GNG4: variants seen among roughly 807,000 people sequenced by gnomAD.
The protein encoded by GNG4 is guanine nucleotide-binding protein G(I)/G(S)/G(O) subunit gamma-4.
In GNG4, 4 loss-of-function variants were observed where a neutral mutation model predicts 5.8. That is an observed-to-expected ratio of 0.69 (90% CI 0.34 to 1.57). The LOEUF is 1.57. Among genes scored for constraint, GNG4 ranks in the 40% most tolerant of loss-of-function variants. The probability of loss-of-function intolerance (pLI) is 0.06; values close to 1 mark genes in which losing one functional copy is unlikely to be tolerated. For missense variants in GNG4, 96 were observed against 95.1 expected (o/e 1.01, Z -0.04); for synonymous variants, 29 against 32.9 (o/e 0.88, Z 0.41).
intron 1 of GNG4, among the ~76,000 whole-genome samples, chr1:235,600,153 C>T (rs1411698062): frequency 8.2e-5 from 10 of 121,310 alleles, no homozygotes; most frequent in African/African-American, 1.3e-4. Flanking sequence ...CTCACTCTGT[C>T]GCCCAGGCTG....
intron 1 of GNG4, among the ~76,000 whole-genome samples, chr1:235,641,279 A>G (rs937736366): frequency 1.3e-5 from 2 of 152,128 alleles, no homozygotes; most frequent in Admixed American, 1.3e-4. Flanking sequence ...AGCCCCAGCT[A>G]CTTAGGAGAC....
At chr1:235,631,042 G>GTGTATGCCAC (rs1688922522) in intron 1 of GNG4, among the ~76,000 whole-genome samples, 1 of 152,030 alleles carries the variant, frequency 6.6e-6, no homozygotes, top group African/African-American at 2.4e-5. Flanking sequence ...GGAATTACAG[G>GTGTATGCCAC]CACGCACCAC....
chr1:235,583,602 G>A, intron 3 of GNG4, 138 bp downstream of exon 3: 1 of 599,588 alleles, frequency 1.7e-6, no homozygotes, highest in Non-Finnish European at 3.1e-6. Context: ...ACACTCATTT[G>A]TAAATGTTAC....
chr1:235,598,970 G>A (rs186035714), intron 1 of GNG4, among the ~76,000 whole-genome samples: 13 of 152,040 alleles, frequency 8.6e-5, no homozygotes, highest in African/African-American at 1.7e-4. Context: ...CAAGTGATCC[G>A]CCTGCCTTGG....
chr1:235,559,521 G>A (rs932942761), intron 3 of GNG4, among the ~76,000 whole-genome samples: 4 of 152,132 alleles, frequency 2.6e-5, no homozygotes, highest in Non-Finnish European at 4.4e-5. Context: ...GGCTTTCAGA[G>A]GATCCCAGTA....
chr1:235,615,872 C>T (rs111732500), intron 1 of GNG4: 9,853 of 275,310 alleles, frequency 0.036, 259 homozygotes, highest in Non-Finnish European at 0.049. Context: ...GGCTCACTCT[C>T]TGTGCTGGTT....
intron 1 of GNG4, among the ~76,000 whole-genome samples, chr1:235,630,836 CA>C (rs1260376269): frequency 6.6e-6 from 1 of 152,078 alleles, no homozygotes; most frequent in Non-Finnish European, 1.5e-5. Context: ...AAACCCAACT[CA>C]ATGTCAACAG....
In GNG4 at chr1:235,644,714, T is replaced by A. The variant is rs531212240; in HGVS notation, c.-123+4948A>T. Among the ~76,000 whole-genome samples the A allele has an allele frequency of 6.6e-6, 1 of 152,228 alleles. No individual in the cohort carries two copies. Among genetic ancestry groups the A allele is most frequent in the African/African-American group, 2.4e-5 (1 of 41,460 alleles). On this transcript the variant is annotated intron_variant, in intron 1 of 3. Transcript: ENST00000391854. This position sits in a 1 kb window ranked among gnomAD's most constrained non-coding sequence, Gnocchi z 5.9. ...CTAAAACCGAATGAGGACTGACTCA[T>A]GCTCGTTTAGTCGGCCACAGGCTAG... is the stretch of plus-strand genomic sequence containing the variant.
intron 2 of GNG4, among the ~76,000 whole-genome samples, chr1:235,591,576 AT>A (rs1342484159): frequency 6.6e-6 from 1 of 152,196 alleles, no homozygotes; most frequent in African/African-American, 2.4e-5. Flanking sequence ...ATGTACTTCC[AT>A]GGGGACTCAG....
rs1279289922 is a variant in GNG4 at position 235,648,503 on chromosome 1, C to G, written c.-123+1159G>C. Among the ~76,000 whole-genome samples, 2 of 152,218 alleles carry G rather than the reference C, an allele frequency of 1.3e-5. No homozygotes were observed. Among genetic ancestry groups the G allele is most frequent in the African/African-American group, 4.8e-5 (2 of 41,454 alleles). ...GGCCAGATCAGATGGCGGCTGGTTC[C>G]CCTCCCCCGCCTCATACAAAAATCA... is the stretch of plus-strand genomic sequence containing the variant. On this transcript the variant is annotated intron_variant, in intron 1 of 3. Transcript: ENST00000391854. This position sits in a 1 kb window ranked among gnomAD's most constrained non-coding sequence, Gnocchi z 5.0.
intron 3 of GNG4, among the ~76,000 whole-genome samples, chr1:235,574,093 T>A (rs1687419428): frequency 6.6e-6 from 1 of 152,160 alleles, no homozygotes; most frequent in Non-Finnish European, 1.5e-5. Flanking sequence ...TTTTCAAAAA[T>A]TTTAAAAATA....
rs968041568 is a variant in GNG4 at position 235,587,842 on chromosome 1, CGTGT to C, written c.-10-3998_-10-3995del. 9.3e-5 allele frequency among the ~76,000 whole-genome samples: 13 copies of C among 139,856 alleles called. 1 individual carries two copies. Among genetic ancestry groups the C allele is most frequent in the South Asian group, 6.9e-4 (3 of 4,324 alleles). The allele number at this position is 139,856 out of a possible 152,430, so 91.8% of individuals were successfully genotyped here. A position where few individuals can be genotyped will look rare whatever the true frequency, so the allele number is the denominator to read the frequency against. Reference sequence around the variant, plus strand: ...CACGTCTCAGAGCATGCGGGGTGAACGTGTGTGTAAGTGTATGGAGTGTGTGAGA... The same window carrying C: ...CACGTCTCAGAGCATGCGGGGTGAACGTGTAAGTGTATGGAGTGTGTGAGA... On this transcript the variant is annotated intron_variant, in intron 2 of 3. Transcript: ENST00000391854.
chr1:235,593,682 T>C (rs1688044863), intron 2 of GNG4, among the ~76,000 whole-genome samples: 1 of 152,160 alleles, frequency 6.6e-6, no homozygotes, highest in African/African-American at 2.4e-5. Flanking sequence ...GGTGGGTTCA[T>C]GGTCTCGCTG....
In GNG4 at chr1:235,550,680, T is replaced by A. The variant is rs184337926; in HGVS notation, c.*1429A>T. ...AGCCAGGCATGTTGGCGTGTGCTTGTCATCCCAGCTACTAGGGAGGCTGAG... is the reference window on the plus strand; with the variant it reads ...AGCCAGGCATGTTGGCGTGTGCTTGACATCCCAGCTACTAGGGAGGCTGAG... On this transcript the variant is annotated 3_prime_UTR_variant, in exon 4 of 4. Coordinates refer to ENST00000391854, the MANE Select transcript of GNG4 (RefSeq NM_001098722.2). The A allele has an allele frequency of 6.6e-6, 1 of 152,222 alleles. No individual in the cohort carries two copies. Among genetic ancestry groups the A allele is most frequent in the Non-Finnish European group, 1.5e-5 (1 of 68,022 alleles). 9.4% of individuals were successfully genotyped at this position (152,222 alleles called of 1,614,324 possible). A position where few individuals can be genotyped will look rare whatever the true frequency, so the allele number is the denominator to read the frequency against.
At chr1:235,575,614 C>T (rs941343913) in intron 3 of GNG4, among the ~76,000 whole-genome samples, 4 of 152,242 alleles carry the variant, frequency 2.6e-5, no homozygotes, top group Admixed American at 2.6e-4. Flanking sequence ...TTGAAATTAT[C>T]TCCCAGGACA....
At chr1:235,583,712 A>AGGGTG (rs1687698289) in intron 3 of GNG4, 28 bp downstream of exon 3, 1 of 1,414,604 alleles carries the variant, frequency 7.1e-7, no homozygotes. Flanking sequence ...CTTCGGGCGG[A>AGGGTG]GGGTGGGGCT....
rs115113189 is a variant in GNG4 at position 235,593,867 on chromosome 1, C to G, written c.-11+1533G>C. On this transcript the variant is annotated intron_variant, in intron 2 of 3. Transcript: ENST00000391854. ...AAAGGCAGTGGGGGCCCAGAGTGAG[C>G]AGCAGCAGAATTTGTTGCAAAGAGC... Among the ~76,000 whole-genome samples the G allele has an allele frequency of 6.7e-3, 1,023 of 152,298 alleles. 14 individuals are homozygous for G. The highest frequency in any genetic ancestry group is 0.022 in the African/African-American group (914 of 41,566).
intron 3 of GNG4, among the ~76,000 whole-genome samples, chr1:235,573,145 C>A (rs1687386182): frequency 6.6e-6 from 1 of 151,826 alleles, no homozygotes; most frequent in African/African-American, 2.4e-5. Flanking sequence ...TACTATGCAG[C>A]CATAAAAAAG....
chr1:235,585,715 ATAT>A (rs917729369), intron 2 of GNG4, among the ~76,000 whole-genome samples: 1 of 152,088 alleles, frequency 6.6e-6, no homozygotes, highest in African/African-American at 2.4e-5. Flanking sequence ...CTATATTCTC[ATAT>A]TATTGTGGGG....
Sources: gnomAD v4.1 joint callset for allele counts (sites outside exome capture counted in the v4.1 genomes callset) on GRCh38, gnomAD v4.1.1 for gene constraint, Gnocchi (gnomAD v3.1) non-coding constraint, MANE v1.5 for transcripts, NCBI Gene and HGNC (gene_info 2026-07-23, HGNC 2026-07-21) for gene names.